The following HSD17B12 variants were observed in gnomAD, a reference collection of about 807,000 sequenced individuals.
HSD17B12 encodes hydroxysteroid 17-beta dehydrogenase 12.
Under a neutral mutation model 39.3 loss-of-function variants are expected in HSD17B12, and 32 were observed. The observed-to-expected ratio is 0.81, with a 90% CI of 0.61 to 1.09. The LOEUF (loss-of-function observed/expected upper bound fraction) is 1.09. Among genes scored for constraint, HSD17B12 ranks in the 50% least tolerant of loss-of-function variants. HSD17B12 has a pLI of 0.00. For synonymous variants in HSD17B12, 150 were observed against 146.7 expected (o/e 1.02, Z -0.16); for missense variants, 342 against 382.9 (o/e 0.89, Z 0.89).
At chr11:43,759,878 C>T (rs999890312) in intron 3 of HSD17B12, among the ~76,000 whole-genome samples, 2 of 151,800 alleles carry the variant, frequency 1.3e-5, no homozygotes, top group African/African-American at 2.4e-5. Context: ...CAGGCTTGTA[C>T]CACCACACTT....
chr11:43,624,735 G>T, the HSD17B12 span, among the ~76,000 whole-genome samples: 1 of 151,692 alleles, frequency 6.6e-6, no homozygotes, highest in Non-Finnish European at 1.5e-5. Context: ...ACTTTAAAAA[G>T]TAAATATTCA....
intron 1 of HSD17B12, among the ~76,000 whole-genome samples, chr11:43,718,064 C>G (rs368030766): frequency 6.6e-6 from 1 of 152,118 alleles, no homozygotes; most frequent in Admixed American, 6.5e-5. Flanking sequence ...CTTGGCCTCC[C>G]GAAGTGTTGG....
At chr11:43,579,064 A>C in the HSD17B12 span, 1 of 49,388 alleles carries the variant, frequency 2.0e-5, no homozygotes, top group Non-Finnish European at 3.8e-5. Flanking sequence ...CGTCCCCTAC[A>C]TGGGAGATGG....
rs567025945 is a variant in HSD17B12, at chr11:43,756,574, A to G, written c.283+2453A>G. 2.0e-5 allele frequency among the ~76,000 whole-genome samples: 3 copies of G among 152,312 alleles called. No homozygotes were observed. In the East Asian group the frequency reaches 5.8e-4, roughly 29 times the overall value. On this transcript the variant is annotated intron_variant, in intron 3 of 10. Transcript: ENST00000278353. ...GTTGTGTTTGTGGGTGTGTCTAGAA[A>G]TTGCCTCTCAATGAATGCATCTACT... is the stretch of plus-strand genomic sequence containing the variant.
the HSD17B12 span, among the ~76,000 whole-genome samples, chr11:43,573,010 C>T: frequency 2.0e-5 from 3 of 152,132 alleles, no homozygotes; most frequent in African/African-American, 7.2e-5. Context: ...TTCTGGGCTT[C>T]GCTCACCCTG....
At chr11:43,763,496 A>G (rs558762093) in intron 3 of HSD17B12, among the ~76,000 whole-genome samples, 1 of 151,788 alleles carries the variant, frequency 6.6e-6, no homozygotes, top group African/African-American at 2.4e-5. Flanking sequence ...AGAAGACTAT[A>G]TTCTCAAAGA....
At chr11:43,584,512 T>C in the HSD17B12 span, 1 of 152,500 alleles carries the variant, frequency 6.6e-6, no homozygotes, top group African/African-American at 2.4e-5. Flanking sequence ...ACTCCCATTC[T>C]CCTTCTGAGA....
At chr11:43,728,286 G>A (rs1950239294) in intron 1 of HSD17B12, among the ~76,000 whole-genome samples, 1 of 152,066 alleles carries the variant, frequency 6.6e-6, no homozygotes, top group African/African-American at 2.4e-5. Context: ...GGCTGGTCAT[G>A]AACTCCTGAC....
At chr11:43,573,392 C>T in the HSD17B12 span, among the ~76,000 whole-genome samples, 4 of 152,180 alleles carry the variant, frequency 2.6e-5, no homozygotes, top group Admixed American at 2.0e-4. Flanking sequence ...TGCGGAGCTT[C>T]CAAGCCCCTC....
intron 6 of HSD17B12, among the ~76,000 whole-genome samples, chr11:43,819,977 A>G (rs1951165446): frequency 1.3e-5 from 2 of 152,212 alleles, no homozygotes; most frequent in South Asian, 4.1e-4. Flanking sequence ...TCAATGGATC[A>G]TGGAATTAAT....
At chr11:43,745,869 GGTCAGGTATGGTAGCATGT>G (rs891082965) in intron 1 of HSD17B12, among the ~76,000 whole-genome samples, 13 of 151,994 alleles carry the variant, frequency 8.6e-5, no homozygotes, top group Non-Finnish European at 1.8e-4. Flanking sequence ...AAAAAAGGTT[GGTCAGGTATGGTAGCATGT>G]GCCTGTAGCT....
chr11:43,753,478 TC>T (rs1950483408), intron 2 of HSD17B12, among the ~76,000 whole-genome samples: 1 of 150,190 alleles, frequency 6.7e-6, no homozygotes, highest in African/African-American at 2.5e-5. Context: ...AGTCTAAACT[TC>T]CTGGGCTCAG....
At chr11:43,611,233 T>A in the HSD17B12 span, among the ~76,000 whole-genome samples, 37 of 152,280 alleles carry the variant, frequency 2.4e-4, no homozygotes, top group African/African-American at 8.7e-4. Flanking sequence ...AACAACAAAA[T>A]GAAGTTCCAG....
the HSD17B12 span, among the ~76,000 whole-genome samples, chr11:43,604,931 G>A: frequency 6.6e-6 from 1 of 152,170 alleles, no homozygotes. Flanking sequence ...CTAACTCTGT[G>A]AGTTTTAAGG....
chr11:43,820,227 A>G (rs976303741), intron 6 of HSD17B12, among the ~76,000 whole-genome samples: 7 of 152,164 alleles, frequency 4.6e-5, no homozygotes, highest in Non-Finnish European at 7.4e-5. Flanking sequence ...GAAAGCCTTC[A>G]AGTAGATGTA....
At chr11:43,660,282 C>T in the HSD17B12 span, among the ~76,000 whole-genome samples, 7 of 152,176 alleles carry the variant, frequency 4.6e-5, no homozygotes, top group Non-Finnish European at 8.8e-5. Context: ...ATAAAGCTTG[C>T]CGTGTGTTAT....
At chr11:43,650,957 C>A in the HSD17B12 span, among the ~76,000 whole-genome samples, 13 of 152,178 alleles carry the variant, frequency 8.5e-5, no homozygotes, top group Admixed American at 3.9e-4. Flanking sequence ...AAAACAGGAT[C>A]TATAGGGTTC....
chr11:43,594,805 C>A, the HSD17B12 span, among the ~76,000 whole-genome samples: 1 of 152,106 alleles, frequency 6.6e-6, no homozygotes, highest in Admixed American at 6.5e-5. Context: ...CCCTTGCCCC[C>A]ACCCTGCCAA....
intron 4 of HSD17B12, among the ~76,000 whole-genome samples, chr11:43,810,370 TATA>T (rs1951059327): frequency 2.8e-4 from 29 of 104,834 alleles, no homozygotes; most frequent in African/African-American, 1.3e-3. Context: ...TTAGAAATTA[TATA>T]TATATATATA....
Sources: gnomAD v4.1 joint callset for allele counts (sites outside exome capture counted in the v4.1 genomes callset) on GRCh38, gnomAD v4.1.1 for gene constraint, MANE v1.5 for transcripts, NCBI Gene and HGNC (gene_info 2026-07-23, HGNC 2026-07-21) for gene names.